The following RIC1 variants were observed in gnomAD, a reference collection of about 807,000 sequenced individuals.
The protein encoded by RIC1 is RIC1 partner of RAB6A GEF complex, also known as guanine nucleotide exchange factor subunit RIC1.
In RIC1, 88 loss-of-function variants were observed where a neutral mutation model predicts 169.0. That is an observed-to-expected ratio of 0.52 (90% CI 0.44 to 0.62). RIC1 has a LOEUF of 0.62. RIC1 is among the 20% of genes least tolerant of loss of function. The pLI is 0.00. For synonymous variants in RIC1, 790 were observed against 601.5 expected (o/e 1.31, Z -4.59); for missense variants, 1,877 against 1,725.5 (o/e 1.09, Z -1.56).
At chr9:5,698,295 A>C (rs1280830385) in intron 3 of RIC1, among the ~76,000 whole-genome samples, 1 of 152,166 alleles carries the variant, frequency 6.6e-6, no homozygotes, top group Non-Finnish European at 1.5e-5. Context: ...TTTATGCTAC[A>C]CTTGGTATTG....
rs1586887181 is a variant in RIC1 at position 5,654,586 on chromosome 9, G to C, written c.145-1997G>C. ...TGAGATTCAGTTTCTGTTGCCTAGGGTGGAGTGCAGTAGCGCAGTCTCAGC... is the reference window on the plus strand; with the variant it reads ...TGAGATTCAGTTTCTGTTGCCTAGGCTGGAGTGCAGTAGCGCAGTCTCAGC... On this transcript the variant is annotated intron_variant, in intron 1 of 25. Transcript: ENST00000414202. Among the ~76,000 whole-genome samples, 3 of 151,688 alleles carry C rather than the reference G, an allele frequency of 2.0e-5. 1 individual carries two copies. In the South Asian group the frequency reaches 6.2e-4, roughly 32 times the overall value.
chr9:5,774,153 C>G lies in RIC1; in HGVS notation c.4179C>G (p.Ser1393Arg). ...HGSIPQGEVG[S>R]SNMVSRKEED... is the part of the protein sequence containing the mutation. ...GCATCCCCCAGGGTGAAGTTGGAAG[C>G]AGCAATATGGTCAGCCGGAAAGAGG... The change falls in exon 26 of 26, where the codon AGC becomes AGG. Residue 1393 changes from serine to arginine, a missense_variant. Physicochemically the swap from Ser to Arg is moderately radical, Grantham distance 110. Coordinates refer to ENST00000414202, the MANE Select transcript of RIC1 (RefSeq NM_020829.4). 1 of 1,613,996 alleles carries G rather than the reference C, an allele frequency of 6.2e-7. No homozygotes were observed. The highest frequency in any genetic ancestry group is 8.5e-7 in the Non-Finnish European group (1 of 1,179,968).
chr9:5,678,537 A>G (rs1374806221), intron 2 of RIC1, among the ~76,000 whole-genome samples: 1 of 151,844 alleles, frequency 6.6e-6, no homozygotes, highest in African/African-American at 2.4e-5. Flanking sequence ...AATGATTGCC[A>G]TTCTAACTGG....
In RIC1 at chr9:5,713,951, G is replaced by A. The variant is rs754757420; in HGVS notation, c.388G>A (p.Ala130Thr). The part of the protein sequence containing the change: ...PHFKEEQCAP[A>T]LNLEMRKILD... ...TTTTAAGGAAGAACAGTGTGCTCCAGCATTAAATTTGGAGATGAGGAAAAT... is the reference window on the plus strand; with the variant it reads ...TTTTAAGGAAGAACAGTGTGCTCCAACATTAAATTTGGAGATGAGGAAAAT... Residue 130 changes from alanine to threonine, a missense_variant, in exon 4 of 26, where the codon GCA becomes ACA. Around this residue, in one of 3 missense-constraint regions of RIC1, gnomAD observed 1,104 missense variants for 992.0 expected, o/e 1.11. Transcript: ENST00000414202. The A allele has an allele frequency of 1.2e-6, 2 of 1,613,188 alleles. No individual in the cohort carries two copies. The highest frequency in any genetic ancestry group is 2.7e-5 in the African/African-American group (2 of 75,008).
chr9:5,691,022 T>G (rs1821563249), intron 3 of RIC1, among the ~76,000 whole-genome samples: 1 of 151,962 alleles, frequency 6.6e-6, no homozygotes, highest in African/African-American at 2.4e-5. Context: ...GAATTATTAC[T>G]GCTCGCAGAG....
intron 4 of RIC1, among the ~76,000 whole-genome samples, chr9:5,716,770 T>C (rs948927181): frequency 2.0e-5 from 3 of 152,244 alleles, no homozygotes; most frequent in Admixed American, 6.5e-5. Flanking sequence ...CTTAGGTGAC[T>C]TGGGGCAAGG....
intron 21 of RIC1, among the ~76,000 whole-genome samples, chr9:5,768,723 ACTT>A (rs1384816952): frequency 3.9e-5 from 6 of 151,978 alleles, no homozygotes; most frequent in African/African-American, 7.3e-5. Context: ...TCCTGGTCTG[ACTT>A]CTTCTGTCCC....
chr9:5,769,240 T>C lies in RIC1; in HGVS notation c.3408T>C (p.Asn1136=), dbSNP rs760567617. 2.5e-6 allele frequency: 4 copies of C among 1,614,006 alleles called. No individual in the cohort carries two copies. The highest frequency in any genetic ancestry group is 3.4e-6 in the Non-Finnish European group (4 of 1,179,992). The change falls in exon 22 of 26, where the codon AAT becomes AAC. Residue 1136 remains asparagine (N), a synonymous_variant. Transcript: ENST00000414202. ...CTTCTATCAGTTCTCCTTTCAAAAATGGAAAATACCGAACTGGTAATGTAG... is the reference window on the plus strand; with the variant it reads ...CTTCTATCAGTTCTCCTTTCAAAAACGGAAAATACCGAACTGGTAATGTAG... ...PASSISSPFK[N]GKYRTVGEQL...
Position 5,769,000 on chromosome 9 carries a change from C to A in RIC1, c.3168C>A (p.Asn1056Lys). The change falls in exon 22 of 26, where the codon AAC becomes AAA. Residue 1056 changes from asparagine to lysine, a missense_variant. Transcript: ENST00000414202. ...GCAAAGACAGTGACTGTGCTGAGAA[C>A]ATGTATATTGACATGATGCTCTGGA... is the stretch of plus-strand genomic sequence containing the variant. The part of the protein sequence containing the change: ...RWSKDSDCAE[N>K]MYIDMMLWRH... 2 of 1,613,362 alleles carry A rather than the reference C, an allele frequency of 1.2e-6. No individual in the cohort carries two copies. Among genetic ancestry groups the A allele is most frequent in the East Asian group, 2.2e-5 (1 of 44,866 alleles).
intron 3 of RIC1, among the ~76,000 whole-genome samples, chr9:5,707,469 T>G (rs1340695940): frequency 4.6e-5 from 7 of 152,152 alleles, no homozygotes; most frequent in Non-Finnish European, 2.9e-5. Context: ...AGTGGGGTAT[T>G]GAAGTCTCCA....
chr9:5,773,839 T>A, intron 25 of RIC1, 119 bp from the exon 26 acceptor site: 1 of 941,814 alleles, frequency 1.1e-6, no homozygotes, highest in African/African-American at 1.7e-5. Flanking sequence ...GCCTCCTCTC[T>A]CCCCTCCTAA....
intron 3 of RIC1, among the ~76,000 whole-genome samples, chr9:5,696,491 C>G (rs1821913825): frequency 6.6e-6 from 1 of 152,114 alleles, no homozygotes; most frequent in African/African-American, 2.4e-5. Flanking sequence ...CTTCTGCCCT[C>G]AACTCTCCTA....
chr9:5,705,909 T>G (rs1019978043), intron 3 of RIC1, among the ~76,000 whole-genome samples: 4 of 152,216 alleles, frequency 2.6e-5, no homozygotes, highest in Non-Finnish European at 4.4e-5. Flanking sequence ...ATTCTGGGAT[T>G]TTTCCCCTTC....
intron 2 of RIC1, among the ~76,000 whole-genome samples, chr9:5,685,208 G>A (rs2483291): frequency 0.99 from 145,500 of 146,976 alleles, 72,022 homozygotes; most frequent in East Asian, 1. Flanking sequence ...TGCCCAAGGT[G>A]ATTTACAGAT....
chr9:5,742,915 T>C lies in RIC1; in HGVS notation c.948T>C (p.Pro316=). ...CTGTTAAATTGATGAGATGGTCTCC[T>C]GACAATAGTGTTGTAATAGTGACCT... is the stretch of plus-strand genomic sequence containing the variant. ...TGAVKLMRWS[P]DNSVVIVTWE... The change falls in exon 9 of 26, where the codon CCT becomes CCC. Residue 316 remains proline (P), a synonymous_variant. Transcript: ENST00000414202. The C allele has an allele frequency of 6.2e-7, 1 of 1,613,262 alleles. No individual in the cohort carries two copies. Among genetic ancestry groups the C allele is most frequent in the Non-Finnish European group, 8.5e-7 (1 of 1,179,414 alleles).
intron 6 of RIC1, among the ~76,000 whole-genome samples, chr9:5,730,628 A>T (rs1824314836): frequency 6.6e-6 from 1 of 152,156 alleles, no homozygotes. Context: ...GTGTGAGGAT[A>T]CAGTGATTGG....
intron 1 of RIC1, among the ~76,000 whole-genome samples, chr9:5,653,872 A>C (rs868012385): frequency 9.2e-5 from 14 of 152,308 alleles, no homozygotes; most frequent in Admixed American, 2.6e-4. Context: ...CTGGGATTAC[A>C]GGCATGCACA....
At chr9:5,646,132 G>A (rs1291906378) in intron 1 of RIC1, among the ~76,000 whole-genome samples, 1 of 152,108 alleles carries the variant, frequency 6.6e-6, no homozygotes, top group Non-Finnish European at 1.5e-5. Flanking sequence ...TGGGTCCAAT[G>A]TGGTATGTCA....
chr9:5,770,167 C>G lies in RIC1; in HGVS notation c.3505C>G (p.Arg1169Gly), dbSNP rs1434551948. ...EMDAGISNIQ[R>G]SQSWLSNIGP... is the part of the protein sequence containing the mutation. Reference sequence around the variant, plus strand: ...GGATGCTGGCATCTCCAACATCCAGCGAAGTCAGAGCTGGCTCAGCAACAT... The same window carrying G: ...GGATGCTGGCATCTCCAACATCCAGGGAAGTCAGAGCTGGCTCAGCAACAT... Residue 1169 changes from arginine to glycine, a missense_variant, in exon 23 of 26, where the codon CGA (arginine) becomes GGA (glycine). Physicochemically the swap from Arg to Gly is moderately radical, Grantham distance 125. This residue lies in a region of RIC1 where 681 missense variants were observed against 582.0 expected (regional missense o/e 1.17). Transcript: ENST00000414202. 2 of 1,613,890 alleles carry G rather than the reference C, an allele frequency of 1.2e-6. No homozygotes were observed. The highest frequency in any genetic ancestry group is 8.5e-7 in the Non-Finnish European group (1 of 1,179,892).
Sources: allele counts gnomAD v4.1 joint callset (sites outside exome capture counted in the v4.1 genomes callset), GRCh38; gene constraint gnomAD v4.1.1; regional missense constraint gnomAD v4.1.1; transcripts MANE v1.5; gene names NCBI Gene and HGNC (gene_info 2026-07-23, HGNC 2026-07-21).